The following HMCN1 variants were observed in gnomAD, a reference collection of about 807,000 sequenced individuals.
The protein encoded by HMCN1 is hemicentin-1.
Under a neutral mutation model 625.9 loss-of-function variants are expected in HMCN1, and 321 were observed. The ratio of observed to expected loss-of-function variants is 0.51; its 90% CI spans 0.47 to 0.56. The LOEUF is 0.56. Among genes scored for constraint, HMCN1 ranks in the 20% least tolerant of loss-of-function variants. The pLI is 0.00. For synonymous variants in HMCN1, 2,425 were observed against 2,417.6 expected (o/e 1.00, Z -0.09); for missense variants, 6,588 against 6,887.3 (o/e 0.96, Z 1.54).
intron 57 of HMCN1, 143 bp from the exon 58 acceptor site, chr1:186,086,103 G>A (rs2102395933): frequency 1.4e-6 from 1 of 739,952 alleles, no homozygotes; most frequent in East Asian, 2.7e-5. Context: ...AGGCATTAGG[G>A]AATTGTAAGA....
intron 97 of HMCN1, among the ~76,000 whole-genome samples, chr1:186,154,926 GT>G (rs1182679851): frequency 6.6e-6 from 1 of 152,090 alleles, no homozygotes; most frequent in East Asian, 1.9e-4. Context: ...ATTCTGTGGG[GT>G]TTTAATGCTG....
intron 1 of HMCN1, among the ~76,000 whole-genome samples, chr1:185,783,396 C>A (rs184679318): frequency 6.6e-6 from 1 of 152,146 alleles, no homozygotes; most frequent in Non-Finnish European, 1.5e-5. Flanking sequence ...TGAGGAGCTA[C>A]GTTTCTTTGG....
At chr1:186,017,681 A>G (rs1257779894) in intron 33 of HMCN1, among the ~76,000 whole-genome samples, 2 of 152,048 alleles carry the variant, frequency 1.3e-5, no homozygotes, top group African/African-American at 2.4e-5. Flanking sequence ...AGTTTTGTCT[A>G]TAGTTGTTTT....
rs1649689298 is a variant in HMCN1 at position 186,137,674 on chromosome 1, C to T, written c.13753+6C>T. On this transcript the variant is annotated splice_donor_region_variant and intron_variant, in intron 88 of 106. Transcript: ENST00000271588. ...TCAAAATAAGCCTTGTCCAGGTACA[C>T]CTCCTTATTTAACTGATAGGCATGT... 6.2e-7 allele frequency: 1 copy of T among 1,613,978 alleles called. No homozygotes were observed. Among genetic ancestry groups the T allele is most frequent in the Non-Finnish European group, 8.5e-7 (1 of 1,179,950 alleles).
chr1:186,059,870 A>G (rs1001694818), intron 46 of HMCN1, among the ~76,000 whole-genome samples: 1 of 152,018 alleles, frequency 6.6e-6, no homozygotes, highest in African/African-American at 2.4e-5. Flanking sequence ...GTCCATGAAA[A>G]AAGAGAAAAG....
intron 1 of HMCN1, among the ~76,000 whole-genome samples, chr1:185,798,800 T>C (rs912220811): frequency 6.6e-6 from 1 of 152,126 alleles, no homozygotes; most frequent in Non-Finnish European, 1.5e-5. Flanking sequence ...TTGATTTCTT[T>C]GTGTTGGTTT....
chr1:186,023,270 G>C (rs1654838270), intron 36 of HMCN1, 117 bp downstream of exon 36: 1 of 690,842 alleles, frequency 1.4e-6, no homozygotes, highest in Non-Finnish European at 2.3e-6. Context: ...TTCTTAGTCT[G>C]TATAAAAAAA....
chr1:186,028,978 C>T (rs904905376), intron 36 of HMCN1, among the ~76,000 whole-genome samples: 5 of 151,760 alleles, frequency 3.3e-5, no homozygotes, highest in Non-Finnish European at 7.4e-5. Context: ...GTGATCCGTC[C>T]GCCTCAGCCT....
At chr1:185,858,586 ATTTTTTTTTTTTTTTTTTTTTTTTTTT>A (rs71101980) in intron 2 of HMCN1, among the ~76,000 whole-genome samples, 34 of 34,748 alleles carry the variant, frequency 9.8e-4, no homozygotes, top group Admixed American at 2.3e-3. Flanking sequence ...CACCCAGCTA[ATTTTTTTTTTTTTTTTTTTTTTTTTTT>A]TTTTTTTTTT....
intron 4 of HMCN1, among the ~76,000 whole-genome samples, chr1:185,896,664 G>A (rs1401540602): frequency 6.6e-6 from 1 of 152,146 alleles, no homozygotes; most frequent in Non-Finnish European, 1.5e-5. Context: ...CAAAACTTTG[G>A]TCAAGCTGAA....
At chr1:185,894,012 G>T (rs1466913048) in intron 4 of HMCN1, among the ~76,000 whole-genome samples, 7 of 151,776 alleles carry the variant, frequency 4.6e-5, no homozygotes, top group Non-Finnish European at 1.0e-4. Flanking sequence ...GCGGGCCCCT[G>T]TAGTCCCAGC....
intron 1 of HMCN1, among the ~76,000 whole-genome samples, chr1:185,805,957 A>T (rs1371736272): frequency 6.6e-6 from 1 of 152,132 alleles, no homozygotes; most frequent in African/African-American, 2.4e-5. Context: ...GCTAAAAAAG[A>T]TCCTATCATT....
At position 186,122,824 on chromosome 1, in the gene HMCN1, C is replaced by T. The variant is rs531724470; in HGVS notation, c.12230-127C>T. ...CATGAAAAAATGTAGTGCTCCTTTT[C>T]TAATGATATGGTGAAGTCAGGATTT... On this transcript the variant is annotated intron_variant, in intron 80 of 106. Coordinates refer to ENST00000271588, the MANE Select transcript of HMCN1 (RefSeq NM_031935.3). 3.9e-5 allele frequency: 39 copies of T among 1,003,900 alleles called. 2 individuals carry two copies. In the South Asian group the frequency reaches 5.2e-4, roughly 13 times the overall value. 62.2% of individuals were successfully genotyped at this position (1,003,900 alleles called of 1,614,324 possible). A position where few individuals can be genotyped will look rare whatever the true frequency, so the allele number is the denominator to read the frequency against.
intron 1 of HMCN1, among the ~76,000 whole-genome samples, chr1:185,823,992 A>G (rs1001517938): frequency 3.9e-5 from 6 of 152,188 alleles, no homozygotes; most frequent in African/African-American, 1.4e-4. Context: ...TGTCACCATC[A>G]TCACCATTCT....
Position 186,047,612 on chromosome 1 carries a change from A to G in HMCN1, c.6481-1131A>G, listed in dbSNP as rs547563772. On this transcript the variant is annotated intron_variant, in intron 41 of 106. Transcript: ENST00000271588. ...CAATAAATATTAATCCCTCCTCTCT[A>G]TTATTCCCTCCCCAACTCTTTCTAT... Among the ~76,000 whole-genome samples the G allele has an allele frequency of 2.2e-4, 34 of 152,206 alleles. No homozygotes were observed. The East Asian group carries it at 6.0e-3, about 27-fold the overall frequency.
chr1:186,016,926 A>T (rs375464242), intron 32 of HMCN1, 37 bp from the exon 33 acceptor site: 3 of 1,124,850 alleles, frequency 2.7e-6, no homozygotes, highest in Non-Finnish European at 1.4e-6. Context: ...TTTGTTGTAT[A>T]CATTTCTTTG....
At chr1:186,128,377 GAAAAGT>G in intron 83 of HMCN1, 86 bp downstream of exon 83, 1 of 1,103,148 alleles carries the variant, frequency 9.1e-7, no homozygotes, top group Non-Finnish European at 1.4e-6. Context: ...TGTGAAAATT[GAAAAGT>G]AACAAGAATT....
intron 89 of HMCN1, among the ~76,000 whole-genome samples, chr1:186,143,046 T>TTTCCTC (rs1310167985): frequency 6.6e-6 from 1 of 152,250 alleles, no homozygotes; most frequent in Admixed American, 6.5e-5. Flanking sequence ...GCCTTTCTTC[T>TTTCCTC]TTCCTCTGAG....
intron 1 of HMCN1, among the ~76,000 whole-genome samples, chr1:185,781,447 C>T (rs1014546419): frequency 1.3e-5 from 2 of 152,138 alleles, no homozygotes; most frequent in Non-Finnish European, 2.9e-5. Context: ...GTTAAGGTGT[C>T]AATTTTAGAT....
Sources: gnomAD v4.1 joint callset for allele counts (sites outside exome capture counted in the v4.1 genomes callset) on GRCh38, gnomAD v4.1.1 for gene constraint, MANE v1.5 for transcripts, NCBI Gene and HGNC (gene_info 2026-07-23, HGNC 2026-07-21) for gene names.